PCDHA2: variants seen among roughly 807,000 people sequenced by gnomAD.
PCDHA2 encodes protocadherin alpha 2, also known as protocadherin alpha-2.
Under a neutral mutation model 66.0 loss-of-function variants are expected in PCDHA2, and 58 were observed. The ratio of observed to expected loss-of-function variants is 0.88; its 90% CI spans 0.71 to 1.09. The LOEUF (loss-of-function observed/expected upper bound fraction) is 1.09, where lower values mean the gene tolerates loss of function less well. Among genes scored for constraint, PCDHA2 ranks in the 50% least tolerant of loss-of-function variants. The pLI is 0.00. For synonymous variants in PCDHA2, 634 were observed against 554.0 expected, an observed-to-expected ratio of 1.14 and a Z score of -2.03; for missense variants, 1,267 against 1,242.3, an observed-to-expected ratio of 1.02 and a Z score of -0.30.
chr5:140,876,847 G>T, intron 1 of PCDHA2: 1 of 1,614,140 alleles, frequency 6.2e-7, no homozygotes, highest in Non-Finnish European at 8.5e-7. Context: ...CGCGCAGCCC[G>T]AGTACACAGT....
chr5:140,986,154 A>G (rs2097188970), intron 3 of PCDHA2, among the ~76,000 whole-genome samples: 1 of 152,182 alleles, frequency 6.6e-6, no homozygotes, highest in Non-Finnish European at 1.5e-5. Context: ...TCACCAAGTA[A>G]TGTTTTCTGC....
chr5:140,934,941 T>C (rs1397192075), intron 1 of PCDHA2, among the ~76,000 whole-genome samples: 4 of 152,172 alleles, frequency 2.6e-5, no homozygotes, highest in African/African-American at 9.6e-5. Context: ...AAAACTAGTA[T>C]AGAGAGATCC....
At chr5:140,939,593 T>C (rs1554212802) in intron 1 of PCDHA2, among the ~76,000 whole-genome samples, 1 of 152,198 alleles carries the variant, frequency 6.6e-6, no homozygotes, top group African/African-American at 2.4e-5. Flanking sequence ...TAACATACCT[T>C]GCTCAAAAAC....
At chr5:140,857,346 C>T (rs782309251) in intron 1 of PCDHA2, 1 of 1,598,444 alleles carries the variant, frequency 6.3e-7, no homozygotes, top group South Asian at 1.1e-5. Flanking sequence ...GGCTCGCCTC[C>T]GCTGTGGGCC....
chr5:140,876,728 C>T (rs200398819), intron 1 of PCDHA2: 11 of 1,614,128 alleles, frequency 6.8e-6, no homozygotes, highest in African/African-American at 1.3e-5. Context: ...GAGAGCGTGT[C>T]GGCCTATGAG....
chr5:140,977,482 A>G lies in PCDHA2; in HGVS notation c.2389-1467A>G, dbSNP rs3776112. ...TTTGGTCTGTAGATAATTTTATGCTATGTTATATGGAATATCCACAGCATT... is the reference window on the plus strand; with the variant it reads ...TTTGGTCTGTAGATAATTTTATGCTGTGTTATATGGAATATCCACAGCATT... On this transcript the variant is annotated intron_variant, in intron 1 of 3. Coordinates refer to ENST00000526136, the MANE Select transcript of PCDHA2 (RefSeq NM_018905.3). Among the ~76,000 whole-genome samples the G allele has an allele frequency of 3.0e-4, 46 of 152,350 alleles. No homozygotes were observed. The East Asian group carries it at 5.4e-3, about 18-fold the overall frequency.
At chr5:140,980,507 G>A (rs1274816745) in intron 2 of PCDHA2, among the ~76,000 whole-genome samples, 1 of 152,136 alleles carries the variant, frequency 6.6e-6, no homozygotes, top group African/African-American at 2.4e-5. Flanking sequence ...GCATGTGCCT[G>A]TAGTTCCAGC....
At position 140,803,382 on chromosome 5, in the gene PCDHA2, G is replaced by A. The variant is rs547051375; in HGVS notation, c.2388+6030G>A. 3.3e-5 allele frequency: 53 copies of A among 1,614,202 alleles called. No individual in the cohort carries two copies. The South Asian group carries it at 5.2e-4, about 16-fold the overall frequency. ...TCTGCGGTGCTCCGCGCCGCCAACCGAAGGCGACTGTGGGCCGGGCAAGCC... is the reference window on the plus strand; with the variant it reads ...TCTGCGGTGCTCCGCGCCGCCAACCAAAGGCGACTGTGGGCCGGGCAAGCC... On this transcript the variant is annotated intron_variant, in intron 1 of 3. Transcript: ENST00000526136.
intron 1 of PCDHA2, chr5:140,856,033 A>T: frequency 1.3e-6 from 2 of 1,564,122 alleles, no homozygotes; most frequent in Non-Finnish European, 1.7e-6. Flanking sequence ...GATTTGTAAA[A>T]CAAGAGAAGG....
chr5:141,003,724 A>C (rs575036478), intron 3 of PCDHA2, among the ~76,000 whole-genome samples: 2 of 151,950 alleles, frequency 1.3e-5, no homozygotes, highest in African/African-American at 4.8e-5. Flanking sequence ...CGGCTAATCC[A>C]ATAAAAAAGC....
At chr5:140,797,820 G>T (rs1762266466) in intron 1 of PCDHA2, among the ~76,000 whole-genome samples, 1 of 152,022 alleles carries the variant, frequency 6.6e-6, no homozygotes, top group South Asian at 2.1e-4. Context: ...CAATGCCCTT[G>T]TCTATGCAAT....
intron 1 of PCDHA2, among the ~76,000 whole-genome samples, chr5:140,964,646 G>A (rs1554227128): frequency 6.6e-6 from 1 of 152,004 alleles, no homozygotes; most frequent in African/African-American, 2.4e-5. Context: ...TCAGAAACAA[G>A]TAATGGGTGA....
chr5:140,922,272 G>A (rs547313117), intron 1 of PCDHA2, among the ~76,000 whole-genome samples: 37 of 152,312 alleles, frequency 2.4e-4, no homozygotes, highest in African/African-American at 8.7e-4. Flanking sequence ...ATGAAGATTG[G>A]ACCAAGATAT....
At chr5:140,935,639 T>A (rs1377571192) in intron 1 of PCDHA2, among the ~76,000 whole-genome samples, 2 of 152,192 alleles carry the variant, frequency 1.3e-5, no homozygotes, top group African/African-American at 4.8e-5. Context: ...AGGGCTTGCT[T>A]TTTAAATTTT....
At position 140,795,807 on chromosome 5, in the gene PCDHA2, CG is replaced by C; in HGVS notation, c.845del (p.Gly282ValfsTer14). ...GPNSEIVYSL[G>X]SDVSSTIQTK... is the part of the protein sequence containing the mutation. ...CGAACAGCGAGATTGTGTATTCACT[CG>C]GTAGTGATGTGTCCTCCACTATACA... On this transcript the variant is annotated frameshift_variant, in exon 1 of 4. Transcript: ENST00000526136. LOFTEE classifies it high-confidence loss of function. 3 of 1,612,954 alleles carry C rather than the reference CG, an allele frequency of 1.9e-6. No individual in the cohort carries two copies. The highest frequency in any genetic ancestry group is 2.5e-6 in the Non-Finnish European group (3 of 1,179,196).
At chr5:140,885,424 A>G (rs1311599501) in intron 1 of PCDHA2, among the ~76,000 whole-genome samples, 4 of 152,148 alleles carry the variant, frequency 2.6e-5, no homozygotes, top group African/African-American at 7.2e-5. Context: ...AGTATTCCAC[A>G]GTGTAAGTGT....
intron 1 of PCDHA2, among the ~76,000 whole-genome samples, chr5:140,838,280 A>ATTT (rs2150286950): frequency 0.014 from 2,008 of 139,562 alleles, 92 homozygotes; most frequent in African/African-American, 0.051. Context: ...AGCCATGCTA[A>ATTT]TTTTTTTTTT....
In PCDHA2 at chr5:140,843,066, C is replaced by G. The variant is rs2150351563; in HGVS notation, c.2388+45714C>G. 18 of 1,595,216 alleles carry G rather than the reference C, an allele frequency of 1.1e-5. 2 individuals are homozygous for G. Among genetic ancestry groups the G allele is most frequent in the East Asian group, 4.5e-5 (2 of 44,812 alleles). On this transcript the variant is annotated intron_variant, in intron 1 of 3. Coordinates refer to ENST00000526136, the MANE Select transcript of PCDHA2 (RefSeq NM_018905.3). ...GGTGGCGCAGCGAGCAAGCTGGTGC[C>G]GCGGTCTGTGGGCGCGGGCCACGTG...
chr5:140,807,638 C>T (rs1554124171), intron 1 of PCDHA2: 18 of 1,614,074 alleles, frequency 1.1e-5, no homozygotes, highest in Non-Finnish European at 1.4e-5. Flanking sequence ...GCTTGACTCT[C>T]GGTTTCCACT....
Sources: allele counts gnomAD v4.1 joint callset (sites outside exome capture counted in the v4.1 genomes callset), GRCh38; gene constraint gnomAD v4.1.1; transcripts MANE v1.5; gene names NCBI Gene and HGNC (gene_info 2026-07-23, HGNC 2026-07-21).